MCM6: variants seen among roughly 807,000 people sequenced by gnomAD.
The protein encoded by MCM6 is DNA replication licensing factor MCM6.
Under a neutral mutation model 94.3 loss-of-function variants are expected in MCM6, and 46 were observed. The ratio of observed to expected loss-of-function variants is 0.49; its 90% confidence interval spans 0.39 to 0.62. The LOEUF (loss-of-function observed/expected upper bound fraction) is 0.62. MCM6 is among the 20% of genes least tolerant of loss of function. The pLI, the probability that MCM6 is intolerant of heterozygous loss-of-function variation, is 0.00. For synonymous variants in MCM6, 335 were observed against 351.9 expected, an observed-to-expected ratio of 0.95 and a Z score of 0.54; for missense variants, 865 against 1,017.9, an observed-to-expected ratio of 0.85 and a Z score of 2.04.
chr2:135,858,201 A>C (rs1679927255), intron 9 of MCM6, among the ~76,000 whole-genome samples, 197 bp from the exon 10 acceptor site: 1 of 152,022 alleles, frequency 6.6e-6, no homozygotes, highest in South Asian at 2.1e-4. Context: ...CTTAAAAAAC[A>C]ACAACGGCCG....
intron 4 of MCM6, among the ~76,000 whole-genome samples, chr2:135,868,172 C>G (rs1211309575): frequency 2.0e-5 from 3 of 152,198 alleles, no homozygotes; most frequent in African/African-American, 7.2e-5. Context: ...CACATCAAAT[C>G]ATCTCTCAGA....
chr2:135,857,513 T>G, intron 10 of MCM6, among the ~76,000 whole-genome samples: 1 of 152,172 alleles, frequency 6.6e-6, no homozygotes, highest in South Asian at 2.1e-4. Flanking sequence ...AATCTGTAGC[T>G]TTTAAAGTTT....
At chr2:135,851,003 G>A (rs1205886130) in intron 13 of MCM6, among the ~76,000 whole-genome samples, 1 of 152,172 alleles carries the variant, frequency 6.6e-6, no homozygotes, top group Non-Finnish European at 1.5e-5. Flanking sequence ...GGAATGCAGG[G>A]CTCAAAGAAC....
In MCM6 at chr2:135,872,728, G is replaced by C; in HGVS notation, c.223C>G (p.Leu75Val). The C allele has an allele frequency of 1.2e-6, 2 of 1,614,178 alleles. No individual in the cohort carries two copies. Among genetic ancestry groups the C allele is most frequent in the East Asian group, 2.2e-5 (1 of 44,886 alleles). Residue 75 changes from leucine to valine, a missense_variant, in exon 2 of 17, where the codon CTT becomes GTT. Coordinates refer to ENST00000264156, the MANE Select transcript of MCM6 (RefSeq NM_005915.6). ...AACTCCTCTTGAATGGTGGTGGAAA[G>C]TTGCTGGTTAAATTGTTCCAGGTCC... ...FVDLEQFNQQLSTTIQEEFYR... is the reference protein window; with the variant it reads ...FVDLEQFNQQVSTTIQEEFYR...
Position 135,864,427 on chromosome 2 carries a change from A to T in MCM6, c.1078+586T>A, listed in dbSNP as rs142332565. On this transcript the variant is annotated intron_variant, in intron 7 of 16. Coordinates refer to ENST00000264156, the MANE Select transcript of MCM6 (RefSeq NM_005915.6). Reference sequence around the variant, plus strand: ...GTAGGGTTGCTTTAGCCCAGGAGGGAGTGCTTCAGCCTAGACAACATAGCA... The same window carrying T: ...GTAGGGTTGCTTTAGCCCAGGAGGGTGTGCTTCAGCCTAGACAACATAGCA... 3.2e-3 allele frequency among the ~76,000 whole-genome samples: 488 copies of T among 152,182 alleles called. 1 individual carries two copies. Among genetic ancestry groups the T allele is most frequent in the African/African-American group, 0.011 (469 of 41,520 alleles).
At chr2:135,862,460 A>G (rs1454363432) in intron 8 of MCM6, 147 bp downstream of exon 8, 4 of 881,410 alleles carry the variant, frequency 4.5e-6, no homozygotes, top group Admixed American at 2.8e-5. Flanking sequence ...CAATGTTGCC[A>G]TAACTTTAAT....
intron 7 of MCM6, among the ~76,000 whole-genome samples, chr2:135,863,978 G>A (rs1264644715): frequency 2.0e-5 from 3 of 152,036 alleles, no homozygotes; most frequent in Non-Finnish European, 4.4e-5. Flanking sequence ...GAGTGTTGTG[G>A]GGCAATCCTG....
intron 15 of MCM6, among the ~76,000 whole-genome samples, chr2:135,845,363 G>C (rs1286170873): frequency 6.6e-6 from 1 of 152,190 alleles, no homozygotes; most frequent in Non-Finnish European, 1.5e-5. Context: ...GTATGAGGGA[G>C]AAAGAGAATA....
At chr2:135,868,896 A>ATC in intron 3 of MCM6, 36 bp from the exon 4 acceptor site, 2 of 1,589,188 alleles carry the variant, frequency 1.3e-6, no homozygotes, top group Non-Finnish European at 1.7e-6. Context: ...GTAAACATTC[A>ATC]TCTCTTAACT....
intron 1 of MCM6, among the ~76,000 whole-genome samples, chr2:135,874,681 C>T (rs1680264529): frequency 1.3e-5 from 2 of 152,062 alleles, no homozygotes; most frequent in Non-Finnish European, 2.9e-5. Context: ...TTTTTGAGTG[C>T]TGACATGATT....
At chr2:135,860,286 C>T (rs1248835110) in intron 8 of MCM6, among the ~76,000 whole-genome samples, 1 of 151,852 alleles carries the variant, frequency 6.6e-6, no homozygotes, top group African/African-American at 2.4e-5. Flanking sequence ...GCGCTCGCCA[C>T]CACACCCGGC....
chr2:135,867,256 CATT>C (rs979957335), intron 4 of MCM6, among the ~76,000 whole-genome samples: 49 of 152,250 alleles, frequency 3.2e-4, no homozygotes, highest in Admixed American at 7.2e-4. Flanking sequence ...GTTACAATAT[CATT>C]ATCACAACCA....
In MCM6 at chr2:135,846,381, T is replaced by C. The variant is rs534955896; in HGVS notation, c.2065A>G (p.Ser689Gly). 2 of 1,614,160 alleles carry C rather than the reference T, an allele frequency of 1.2e-6. No individual in the cohort carries two copies. Among genetic ancestry groups the C allele is most frequent in the African/African-American group, 1.3e-5 (1 of 75,068 alleles). Residue 689 changes from serine to glycine, a missense_variant, in exon 15 of 17, where the codon AGC (serine) becomes GGC (glycine). Physicochemically the swap from Ser to Gly is moderately conservative, Grantham distance 56. This residue lies in a region of MCM6 where 308 missense variants were observed against 324.5 expected (regional missense o/e 0.95). Coordinates refer to ENST00000264156, the MANE Select transcript of MCM6 (RefSeq NM_005915.6). Reference protein sequence around the residue: ...GAGGINGHADSPAPVNGINGY... With the variant: ...GAGGINGHADGPAPVNGINGY... ...TTGATCCCGTTCACAGGAGCAGGGCTGTCAGCATGACCTAAGTGAAAAATT... is the reference window on the plus strand; with the variant it reads ...TTGATCCCGTTCACAGGAGCAGGGCCGTCAGCATGACCTAAGTGAAAAATT...
chr2:135,856,978 A>G (rs2105581661), intron 10 of MCM6, 95 bp from the exon 11 acceptor site: 1 of 1,126,882 alleles, frequency 8.9e-7, no homozygotes, highest in South Asian at 1.6e-5. Context: ...TTAACTAAAC[A>G]CAAACCAAAA....
intron 1 of MCM6, among the ~76,000 whole-genome samples, chr2:135,875,177 C>T (rs1680272788): frequency 1.3e-5 from 2 of 152,132 alleles, no homozygotes; most frequent in African/African-American, 4.8e-5. Context: ...ACCAGCCTGA[C>T]CAACATGGAG....
At chr2:135,859,168 A>G in intron 9 of MCM6, 133 bp downstream of exon 9, 3 of 677,314 alleles carry the variant, frequency 4.4e-6, no homozygotes, top group Non-Finnish European at 7.1e-6. Flanking sequence ...TACTGGGACA[A>G]AGGTGTGAGC....
chr2:135,870,409 T>G (rs1323940963), intron 2 of MCM6, 48 bp from the exon 3 acceptor site: 2 of 1,316,766 alleles, frequency 1.5e-6, no homozygotes, highest in South Asian at 2.4e-5. Flanking sequence ...TACCAAGGCC[T>G]CCTTCCCTTT....
At chr2:135,867,370 C>A (rs1680110637) in intron 4 of MCM6, among the ~76,000 whole-genome samples, 2 of 149,694 alleles carry the variant, frequency 1.3e-5, no homozygotes, top group African/African-American at 4.9e-5. Context: ...CAGTTGTGTT[C>A]CCCCCCCCAA....
At chr2:135,854,236 A>G (rs1434984398) in intron 11 of MCM6, among the ~76,000 whole-genome samples, 2 of 151,774 alleles carry the variant, frequency 1.3e-5, no homozygotes, top group African/African-American at 4.8e-5. Context: ...CAAAATAAAT[A>G]ACTAAAATAA....
Sources: gnomAD v4.1 joint callset for allele counts (sites outside exome capture counted in the v4.1 genomes callset) on GRCh38, gnomAD v4.1.1 for gene constraint, gnomAD v4.1.1 regional missense constraint, MANE v1.5 for transcripts, NCBI Gene and HGNC (gene_info 2026-07-23, HGNC 2026-07-21) for gene names.